Variants in ZMYM1 observed in about 807,000 individuals in gnomAD.
ZMYM1 encodes the protein zinc finger MYM-type protein 1.
In ZMYM1, 39 loss-of-function variants were observed where a neutral mutation model predicts 60.0. The observed-to-expected ratio is 0.65, with a 90% CI of 0.50 to 0.85. ZMYM1 has a LOEUF of 0.85. Ranked by LOEUF, ZMYM1 falls within the 40% of genes least tolerant of loss-of-function variation. The pLI is 0.00. For synonymous variants in ZMYM1, 413 were observed against 454.0 expected (o/e 0.91, Z 1.15); for missense variants, 1,171 against 1,309.5 (o/e 0.89, Z 1.63).
chr1:35,088,701 A>G (rs1254396165), intron 1 of ZMYM1, among the ~76,000 whole-genome samples: 2 of 151,430 alleles, frequency 1.3e-5, no homozygotes, highest in African/African-American at 4.8e-5. Context: ...CTTGTTGGAA[A>G]AGGAAGTAAT....
intron 2 of ZMYM1, among the ~76,000 whole-genome samples, chr1:35,094,890 C>G (rs1012748500): frequency 6.6e-6 from 1 of 151,878 alleles, no homozygotes; most frequent in Non-Finnish European, 1.5e-5. Context: ...AACTGTGAAC[C>G]AGCTGAAAGT....
chr1:35,090,686 C>G (rs1028705658), intron 1 of ZMYM1, among the ~76,000 whole-genome samples: 2 of 152,130 alleles, frequency 1.3e-5, no homozygotes, highest in African/African-American at 4.8e-5. Context: ...GTGGCTCACA[C>G]CTGTAATCCC....
At chr1:35,112,486 T>A (rs569424832) in intron 9 of ZMYM1, among the ~76,000 whole-genome samples, 6 of 145,386 alleles carry the variant, frequency 4.1e-5, no homozygotes, top group East Asian at 3.9e-4. Context: ...CCCAGATTTT[T>A]TATATATATA....
At chr1:35,088,805 C>CTT (rs375136566) in intron 1 of ZMYM1, among the ~76,000 whole-genome samples, 5,464 of 119,532 alleles carry the variant, frequency 0.046, 123 homozygotes, top group Non-Finnish European at 0.056. Context: ...GGATGCTTTC[C>CTT]TTTTTTTTTT....
intron 1 of ZMYM1, among the ~76,000 whole-genome samples, chr1:35,079,713 C>T (rs1242749193): frequency 6.6e-6 from 1 of 152,240 alleles, no homozygotes; most frequent in Non-Finnish European, 1.5e-5. Flanking sequence ...CCTCCTGCTC[C>T]TGTGTAGTAA....
Position 35,115,379 on chromosome 1 carries a change from T to C in ZMYM1, c.*120T>C. 2 of 1,196,442 alleles carry C rather than the reference T, an allele frequency of 1.7e-6. No homozygotes were observed. The highest frequency in any genetic ancestry group is 2.3e-6 in the Non-Finnish European group (2 of 886,800). The allele number at this position is 1,196,442 out of a possible 1,614,324, so 74.1% of individuals were successfully genotyped here. ...AACAGTGAAGTCTCCTTCCCTCCTT[T>C]AGAACTCATTTTCTCTTCCCAAAAA... On this transcript the variant is annotated 3_prime_UTR_variant, in exon 10 of 10. Coordinates refer to ENST00000359858, the MANE Select transcript of ZMYM1 (RefSeq NM_024772.5).
chr1:35,074,835 C>G (rs1642138669), upstream of ZMYM1, among the ~76,000 whole-genome samples: 9 of 148,864 alleles, frequency 6.0e-5, no homozygotes, highest in South Asian at 1.7e-3. Flanking sequence ...TTGGGGTGCT[C>G]TGGTGTTGGA....
At chr1:35,073,354 G>GAAGGA (rs1223910803) in intron 1 of ZMYM1, among the ~76,000 whole-genome samples, 10 of 146,736 alleles carry the variant, frequency 6.8e-5, no homozygotes, top group African/African-American at 2.2e-4. Flanking sequence ...AGGAAGGAAG[G>GAAGGA]AAGGAAGGAA....
upstream of ZMYM1, among the ~76,000 whole-genome samples, chr1:35,075,799 C>T (rs1642156366): frequency 6.6e-6 from 1 of 152,182 alleles, no homozygotes; most frequent in Non-Finnish European, 1.5e-5. Context: ...ACCAATCCAT[C>T]ATCTACTAAA....
intron 1 of ZMYM1, among the ~76,000 whole-genome samples, chr1:35,086,964 T>A (rs1263550118): frequency 6.7e-6 from 1 of 148,326 alleles, no homozygotes; most frequent in Non-Finnish European, 1.5e-5. Flanking sequence ...ATTACAGGCA[T>A]GAGCCACCGC....
chr1:35,067,256 G>C (rs1180520551), intron 1 of ZMYM1, among the ~76,000 whole-genome samples: 3 of 152,020 alleles, frequency 2.0e-5, no homozygotes, highest in African/African-American at 7.2e-5. Context: ...TGGAATTACA[G>C]GCATGAGCCA....
chr1:35,071,288 A>G (rs974965625), intron 1 of ZMYM1, among the ~76,000 whole-genome samples: 5 of 151,794 alleles, frequency 3.3e-5, no homozygotes, highest in African/African-American at 7.3e-5. Flanking sequence ...GATATTTTTG[A>G]TGTGCTTTTG....
intron 1 of ZMYM1, among the ~76,000 whole-genome samples, chr1:35,080,946 TA>T (rs1040174307): frequency 1.6e-4 from 3 of 18,194 alleles, no homozygotes; most frequent in Non-Finnish European, 3.7e-4. Context: ...TTGAATAAAA[TA>T]ATTTTTTTTT....
intron 9 of ZMYM1, among the ~76,000 whole-genome samples, chr1:35,112,539 T>G (rs1158861648): frequency 1.5e-5 from 2 of 134,838 alleles, no homozygotes; most frequent in Non-Finnish European, 3.1e-5. Context: ...ATATATAATA[T>G]AAATATATTA....
At chr1:35,104,245 T>G in intron 4 of ZMYM1, 50 bp from the exon 5 acceptor site, 1 of 1,427,708 alleles carries the variant, frequency 7.0e-7, no homozygotes, top group Non-Finnish European at 9.4e-7. Context: ...TAAAGAGAAG[T>G]TATAATTGTG....
chr1:35,068,717 G>C lies in ZMYM1; in HGVS notation c.-301+8792G>C, dbSNP rs547090003. ...AAAAATTAGCTCAAAATGGATCCTA[G>C]ATCTAAATGTAAAATATAAAACTAT... is the stretch of plus-strand genomic sequence containing the variant. On this transcript the variant is annotated intron_variant, in intron 1 of 10. Coordinates refer to the ZMYM1 transcript ENST00000417119. 3.3e-5 allele frequency among the ~76,000 whole-genome samples: 5 copies of C among 150,886 alleles called. No homozygotes were observed. In the South Asian group the frequency reaches 1.0e-3, roughly 31 times the overall value.
chr1:35,115,441 T>C lies in ZMYM1; in HGVS notation c.*182T>C. The C allele has an allele frequency of 1.6e-6, 1 of 624,200 alleles. No individual in the cohort carries two copies. The highest frequency in any genetic ancestry group is 2.4e-5 in the South Asian group (1 of 42,344). The allele number at this position is 624,200 out of a possible 1,614,324, so 38.7% of individuals were successfully genotyped here. Reference sequence around the variant, plus strand: ...TCCTTAAATATCCCTCTAGAGGTATTTTTCCTAAGTGGTATTGTACGGTGT... The same window carrying C: ...TCCTTAAATATCCCTCTAGAGGTATCTTTCCTAAGTGGTATTGTACGGTGT... On this transcript the variant is annotated 3_prime_UTR_variant, in exon 10 of 10. Transcript: ENST00000359858.
upstream of ZMYM1, among the ~76,000 whole-genome samples, chr1:35,077,668 A>G (rs1347969994): frequency 1.3e-5 from 2 of 152,102 alleles, no homozygotes; most frequent in Non-Finnish European, 2.9e-5. Context: ...AACTCAGCGC[A>G]TGAGGACAGA....
intron 1 of ZMYM1, 44 bp from the exon 2 acceptor site, chr1:35,093,870 G>A: frequency 1.5e-6 from 1 of 676,864 alleles, no homozygotes; most frequent in Non-Finnish European, 2.4e-6. Context: ...ATATTTAAAA[G>A]GACTAATTTT....
Sources: allele counts gnomAD v4.1 joint callset (sites outside exome capture counted in the v4.1 genomes callset), GRCh38; gene constraint gnomAD v4.1.1; transcripts MANE v1.5; gene names NCBI Gene and HGNC (gene_info 2026-07-23, HGNC 2026-07-21).